FARSB: variants seen among roughly 807,000 people sequenced by gnomAD.
FARSB encodes the protein phenylalanyl-tRNA synthetase subunit beta.
Under a neutral mutation model 69.6 loss-of-function variants are expected in FARSB, and 40 were observed. The observed-to-expected ratio is 0.57, with a 90% CI of 0.45 to 0.75. FARSB has a LOEUF of 0.75. Ranked by LOEUF, FARSB falls within the 30% of genes least tolerant of loss-of-function variation. FARSB has a pLI of 0.00. For synonymous variants in FARSB, 235 were observed against 247.2 expected, an observed-to-expected ratio of 0.95 and a Z score of 0.46; for missense variants, 632 against 722.9, an observed-to-expected ratio of 0.87 and a Z score of 1.44.
chr2:222,632,627 T>C (rs547953922), intron 7 of FARSB, among the ~76,000 whole-genome samples: 1 of 152,136 alleles, frequency 6.6e-6, no homozygotes, highest in South Asian at 2.1e-4. Flanking sequence ...GAGGGCAAAA[T>C]TTAAATTAAA....
chr2:222,590,570 A>G (rs1435148029), intron 16 of FARSB, among the ~76,000 whole-genome samples: 3 of 149,352 alleles, frequency 2.0e-5, no homozygotes, highest in Admixed American at 6.7e-5. Flanking sequence ...AAAAAAGACA[A>G]TTGGGAAAGG....
intron 1 of FARSB, among the ~76,000 whole-genome samples, chr2:222,654,220 C>A (rs928228496): frequency 6.6e-6 from 1 of 152,122 alleles, no homozygotes; most frequent in African/African-American, 2.4e-5. Flanking sequence ...ATCTGACATG[C>A]TCCAAAACCC....
intron 16 of FARSB, among the ~76,000 whole-genome samples, chr2:222,585,432 G>C (rs1162282111): frequency 6.6e-6 from 1 of 152,246 alleles, no homozygotes; most frequent in Admixed American, 6.5e-5. Flanking sequence ...GAGCAGAAAA[G>C]CTGAAAATTC....
intron 16 of FARSB, among the ~76,000 whole-genome samples, chr2:222,595,469 A>G (rs908532277): frequency 6.6e-6 from 1 of 152,218 alleles, no homozygotes; most frequent in Non-Finnish European, 1.5e-5. Context: ...CACTGTGTAT[A>G]CAGATGGTAC....
At chr2:222,640,270 C>A (rs1033797758) in intron 4 of FARSB, among the ~76,000 whole-genome samples, 2 of 152,268 alleles carry the variant, frequency 1.3e-5, no homozygotes, top group South Asian at 2.1e-4. Context: ...GGGGAAGGAT[C>A]CTTTGAGCTC....
rs374321029 is a variant in FARSB at position 222,613,049 on chromosome 2, A to G, written c.1462+762T>C. On this transcript the variant is annotated intron_variant, in intron 15 of 16. Transcript: ENST00000281828. ...ACAATATGCATATAAATCACGCCAT[A>G]TAAGAAAATGTTCCACAGTGCTTGT... Among the ~76,000 whole-genome samples, 10 of 152,354 alleles carry G rather than the reference A, an allele frequency of 6.6e-5. No homozygotes were observed. The East Asian group carries it at 9.6e-4, about 15-fold the overall frequency.
At chr2:222,605,377 A>T (rs1337682779) in intron 15 of FARSB, among the ~76,000 whole-genome samples, 1 of 152,152 alleles carries the variant, frequency 6.6e-6, no homozygotes, top group Non-Finnish European at 1.5e-5. Context: ...ACAACTTTGG[A>T]GTTCCATTTT....
chr2:222,625,188 A>C (rs939361080), intron 10 of FARSB, among the ~76,000 whole-genome samples: 4 of 152,214 alleles, frequency 2.6e-5, no homozygotes, highest in Non-Finnish European at 5.9e-5. Context: ...AGTGTCCATC[A>C]TACTAAGTCT....
chr2:222,586,469 C>A (rs1690116091), intron 16 of FARSB, among the ~76,000 whole-genome samples: 1 of 152,100 alleles, frequency 6.6e-6, no homozygotes, highest in Non-Finnish European at 1.5e-5. Context: ...GCAAAATAAC[C>A]AGCTGACATC....
chr2:222,622,745 TG>T (rs1186416673), intron 13 of FARSB, among the ~76,000 whole-genome samples: 1 of 152,152 alleles, frequency 6.6e-6, no homozygotes, highest in Non-Finnish European at 1.5e-5. Context: ...TATGGTGGCC[TG>T]GAACACAGCA....
In FARSB at chr2:222,592,533, G is replaced by C. The variant is rs189025718; in HGVS notation, c.1618+7395C>G. 3.2e-3 allele frequency among the ~76,000 whole-genome samples: 482 copies of C among 152,034 alleles called. 3 individuals carry two copies. Among genetic ancestry groups the C allele is most frequent in the African/African-American group, 0.011 (449 of 41,450 alleles). On this transcript the variant is annotated intron_variant, in intron 16 of 16. Transcript: ENST00000281828. ...GTCTCACATGTATAAGATAAAAACTGAGTAATCAGAATCATCCTAAAAATC... is the reference window on the plus strand; with the variant it reads ...GTCTCACATGTATAAGATAAAAACTCAGTAATCAGAATCATCCTAAAAATC...
At chr2:222,604,721 A>AGT (rs1298766782) in intron 15 of FARSB, among the ~76,000 whole-genome samples, 1 of 75,502 alleles carries the variant, frequency 1.3e-5, no homozygotes. Context: ...ATGCCCACTG[A>AGT]ATTTTTTTTT....
chr2:222,643,074 C>T lies in FARSB; in HGVS notation c.115-69G>A, dbSNP rs1470953988. The T allele has an allele frequency of 3.1e-6, 3 of 959,702 alleles. No homozygotes were observed. The East Asian group carries it at 7.9e-5, about 25-fold the overall frequency. 59.4% of individuals were successfully genotyped at this position (959,702 alleles called of 1,614,324 possible). ...ACTCTCTTTAAAAAGTAAAAGTTGT[C>T]AGCCCTATAAGGCAGTAACTACATT... is the stretch of plus-strand genomic sequence containing the variant. On this transcript the variant is annotated intron_variant, in intron 2 of 16. Coordinates refer to ENST00000281828, the MANE Select transcript of FARSB (RefSeq NM_005687.5).
chr2:222,655,997 G>C lies in FARSB; in HGVS notation c.58+19C>G. 6.3e-7 allele frequency: 1 copy of C among 1,578,170 alleles called. No individual in the cohort carries two copies. The highest frequency in any genetic ancestry group is 8.6e-7 in the Non-Finnish European group (1 of 1,156,312). On this transcript the variant is annotated intron_variant, in intron 1 of 16. Coordinates refer to ENST00000281828, the MANE Select transcript of FARSB (RefSeq NM_005687.5). ...TCCGAGAAGAGGCGTAGGGCCCAACGTATAGGGCCGCCACTCACTGTAGGT... is the reference window on the plus strand; with the variant it reads ...TCCGAGAAGAGGCGTAGGGCCCAACCTATAGGGCCGCCACTCACTGTAGGT...
At chr2:222,574,534 C>A (rs1042901380) in intron 16 of FARSB, among the ~76,000 whole-genome samples, 7 of 152,022 alleles carry the variant, frequency 4.6e-5, no homozygotes, top group Admixed American at 2.0e-4. Flanking sequence ...AGCCTGCTGC[C>A]CTCTTGTCCA....
chr2:222,637,023 G>A (rs182452758), intron 5 of FARSB, among the ~76,000 whole-genome samples: 2 of 152,240 alleles, frequency 1.3e-5, no homozygotes, highest in African/African-American at 4.8e-5. Context: ...ATAAATAGAC[G>A]AGGAAATATC....
chr2:222,615,128 T>C (rs563167677), intron 14 of FARSB, among the ~76,000 whole-genome samples: 66 of 152,332 alleles, frequency 4.3e-4, no homozygotes, highest in African/African-American at 1.5e-3. Context: ...GCTTTGTCTG[T>C]AAAACATATT....
intron 15 of FARSB, among the ~76,000 whole-genome samples, chr2:222,610,840 A>G (rs1266879993): frequency 6.6e-6 from 1 of 152,234 alleles, no homozygotes; most frequent in African/African-American, 2.4e-5. Flanking sequence ...AAGCTGAGCC[A>G]CAGAGAGAAT....
In FARSB at chr2:222,571,764, T is replaced by C. The variant is rs1689722207; in HGVS notation, c.*107A>G. 2 of 958,886 alleles carry C rather than the reference T, an allele frequency of 2.1e-6. No homozygotes were observed. The highest frequency in any genetic ancestry group is 1.7e-5 in the African/African-American group (1 of 60,340). 59.4% of individuals were successfully genotyped at this position (958,886 alleles called of 1,614,324 possible). ...CAGCCAGACAGTGCTTTCTACTTTA[T>C]TAAACATCAAAGCCCAAATAGATGT... is the stretch of plus-strand genomic sequence containing the variant. On this transcript the variant is annotated 3_prime_UTR_variant, in exon 17 of 17. Coordinates refer to ENST00000281828, the MANE Select transcript of FARSB (RefSeq NM_005687.5).
Sources: gnomAD v4.1 joint callset for allele counts (sites outside exome capture counted in the v4.1 genomes callset) on GRCh38, gnomAD v4.1.1 for gene constraint, MANE v1.5 for transcripts, NCBI Gene and HGNC (gene_info 2026-07-23, HGNC 2026-07-21) for gene names.